Variants in TENM1 observed in about 807,000 individuals in gnomAD.
TENM1 encodes the protein teneurin transmembrane protein 1.
A neutral mutation model predicts 174.8 loss-of-function variants in TENM1; 35 were observed. The observed-to-expected ratio is 0.20, with a 90% CI of 0.15 to 0.27. TENM1 has a LOEUF of 0.27. Ranked by LOEUF, TENM1 falls within the 10% of genes least tolerant of loss-of-function variation. The probability of loss-of-function intolerance (pLI) is 1.00; values close to 1 mark genes in which losing one functional copy is unlikely to be tolerated. For synonymous variants in TENM1, 781 were observed against 798.7 expected (o/e 0.98, Z 0.37); for missense variants, 1,633 against 2,130.1 (o/e 0.77, Z 4.59).
chrX:124,381,563 G>T (rs749737895), intron 31 of TENM1, among the ~76,000 whole-genome samples: 5 of 111,368 alleles, frequency 4.5e-5, no homozygotes, highest in Non-Finnish European at 7.5e-5. Flanking sequence ...GAGCTGGAAG[G>T]CACTTTAAGT....
At chrX:125,061,036 C>A in the TENM1 span, among the ~76,000 whole-genome samples, 2 of 108,703 alleles carry the variant, frequency 1.8e-5, no homozygotes, top group South Asian at 4.0e-4. Flanking sequence ...CACTGGTACA[C>A]CCTCATGTTT....
intron 1 of TENM1, among the ~76,000 whole-genome samples, chrX:124,935,087 G>A (rs2058225380): frequency 9.2e-6 from 1 of 108,520 alleles, no homozygotes; most frequent in African/African-American, 3.4e-5. Flanking sequence ...TGGATTGACA[G>A]TAAACTTACA....
At chrX:124,915,929 T>C (rs1379737336) in intron 1 of TENM1, among the ~76,000 whole-genome samples, 1 of 112,375 alleles carries the variant, frequency 8.9e-6, no homozygotes, top group Admixed American at 9.4e-5. Flanking sequence ...GAACTGCCTG[T>C]CAAAAATCTG....
intron 22 of TENM1, among the ~76,000 whole-genome samples, chrX:124,454,694 G>C (rs971024266): frequency 2.7e-5 from 3 of 111,797 alleles, no homozygotes; most frequent in Non-Finnish European, 5.6e-5. Context: ...GAGATATCGG[G>C]CCTGGCCCTA....
chrX:125,084,590 T>C, the TENM1 span, among the ~76,000 whole-genome samples: 2 of 110,814 alleles, frequency 1.8e-5, no homozygotes, highest in Non-Finnish European at 3.8e-5. Flanking sequence ...ATGAATTAAG[T>C]GGTTCATATA....
At chrX:124,796,627 A>C (rs886255677) in intron 3 of TENM1, among the ~76,000 whole-genome samples, 8 of 111,713 alleles carry the variant, frequency 7.2e-5, no homozygotes, top group African/African-American at 2.6e-4. Context: ...GATTTTAAAA[A>C]TATTGTTCTC....
intron 1 of TENM1, among the ~76,000 whole-genome samples, chrX:124,924,575 G>A (rs1168895244): frequency 9.0e-6 from 1 of 111,490 alleles, no homozygotes; most frequent in Non-Finnish European, 1.9e-5. Context: ...AGAGTTACCT[G>A]CTCTGCGTTA....
the TENM1 span, among the ~76,000 whole-genome samples, chrX:125,034,237 T>G: frequency 1.8e-5 from 2 of 111,996 alleles, no homozygotes; most frequent in Non-Finnish European, 3.8e-5. Flanking sequence ...CCATCCAAGA[T>G]GCTAGACTTG....
At chrX:125,065,730 TG>T in the TENM1 span, among the ~76,000 whole-genome samples, 5 of 112,227 alleles carry the variant, frequency 4.5e-5, no homozygotes, top group Non-Finnish European at 9.4e-5. Flanking sequence ...GTCCTGCATT[TG>T]TAAAAATATC....
the TENM1 span, among the ~76,000 whole-genome samples, chrX:125,140,619 T>A: frequency 8.9e-6 from 1 of 112,229 alleles, no homozygotes; most frequent in African/African-American, 3.2e-5. Flanking sequence ...TCCTAACACA[T>A]AGAAATGATA....
chrX:124,845,403 T>G (rs922568137), intron 3 of TENM1, among the ~76,000 whole-genome samples: 3 of 111,886 alleles, frequency 2.7e-5, no homozygotes, highest in African/African-American at 3.2e-5. Flanking sequence ...ATACAGATGC[T>G]GCTAGTCTGT....
the TENM1 span, among the ~76,000 whole-genome samples, chrX:125,188,300 TG>T: frequency 9.0e-6 from 1 of 110,783 alleles, no homozygotes; most frequent in East Asian, 2.8e-4. Flanking sequence ...GCTGTGAGGT[TG>T]AGGCTGCAGT....
chrX:124,987,070 C>T, the TENM1 span, among the ~76,000 whole-genome samples: 15,042 of 111,250 alleles, frequency 0.14, 953 homozygotes, highest in Non-Finnish European at 0.19. Flanking sequence ...TCCATGGTCT[C>T]TGGCGTGCTC....
At chrX:124,416,305 G>C (rs1029506155) in intron 25 of TENM1, among the ~76,000 whole-genome samples, 1 of 111,367 alleles carries the variant, frequency 9.0e-6, no homozygotes, top group East Asian at 2.8e-4. Flanking sequence ...CTGTCTTTAT[G>C]GATTTGCCTC....
At position 124,646,815 on chromosome X, in the gene TENM1, T is replaced by C. The variant is rs754732532; in HGVS notation, c.1580-5A>G. 1 of 1,129,200 alleles carries C rather than the reference T, an allele frequency of 8.9e-7. No individual in the cohort carries two copies. Among genetic ancestry groups the C allele is most frequent in the Non-Finnish European group, 1.2e-6 (1 of 824,577 alleles). 93.1% of individuals were successfully genotyped at this position (1,129,200 alleles called of 1,213,427 possible). A position where few individuals can be genotyped will look rare whatever the true frequency, so the allele number is the denominator to read the frequency against. On this transcript the variant is annotated splice_polypyrimidine_tract_variant and splice_region_variant and intron_variant, in intron 8 of 31. Transcript: ENST00000422452. ...TTGAACAGTCATCCATTATTTCTAG[T>C]AATACAGAGAAAAAGATAAAAAAAA...
the TENM1 span, among the ~76,000 whole-genome samples, chrX:125,127,472 TATC>T: frequency 8.9e-6 from 1 of 111,826 alleles, no homozygotes; most frequent in Non-Finnish European, 1.9e-5. Context: ...TGTAGTTTGT[TATC>T]ATAACTTAGC....
At chrX:125,089,213 G>A in the TENM1 span, among the ~76,000 whole-genome samples, 10 of 111,403 alleles carry the variant, frequency 9.0e-5, no homozygotes, top group African/African-American at 2.9e-4. Context: ...TCATTTTTAC[G>A]GTTAAAGATA....
At chrX:125,141,356 GA>G in the TENM1 span, among the ~76,000 whole-genome samples, 1 of 111,910 alleles carries the variant, frequency 8.9e-6, no homozygotes, top group Non-Finnish European at 1.9e-5. Context: ...TGTGCAGAAA[GA>G]AGCCATTTGA....
At chrX:124,390,518 G>A (rs923661341) in intron 28 of TENM1, among the ~76,000 whole-genome samples, 3 of 111,764 alleles carry the variant, frequency 2.7e-5, no homozygotes, top group Middle Eastern at 4.6e-3. Context: ...TCAGTTGGTC[G>A]GACTCTGGTG....
Sources: allele counts gnomAD v4.1 joint callset (sites outside exome capture counted in the v4.1 genomes callset), GRCh38; gene constraint gnomAD v4.1.1; transcripts MANE v1.5; gene names NCBI Gene and HGNC (gene_info 2026-07-23, HGNC 2026-07-21).